ASAP1: variants seen among roughly 807,000 people sequenced by gnomAD.
ASAP1 encodes the protein ArfGAP with SH3 domain, ankyrin repeat and PH domain 1, also known as arf-GAP with SH3 domain, ANK repeat and PH domain-containing protein 1.
A neutral mutation model predicts 145.2 loss-of-function variants in ASAP1; 43 were observed. That is an observed-to-expected ratio of 0.30 (90% CI 0.23 to 0.38). The LOEUF is 0.38. Among genes scored for constraint, ASAP1 ranks in the 10% least tolerant of loss-of-function variants. ASAP1 has a pLI of 1.00. For synonymous variants in ASAP1, 546 were observed against 515.5 expected, an observed-to-expected ratio of 1.06 and a Z score of -0.80; for missense variants, 1,018 against 1,355.3, an observed-to-expected ratio of 0.75 and a Z score of 3.91.
At chr8:130,109,563 T>A (rs2097543377) in intron 24 of ASAP1, among the ~76,000 whole-genome samples, 1 of 152,142 alleles carries the variant, frequency 6.6e-6, no homozygotes, top group African/African-American at 2.4e-5. Context: ...CTGCTTTATT[T>A]GTCATGGAGA....
intron 3 of ASAP1, among the ~76,000 whole-genome samples, chr8:130,245,661 G>A (rs1818803973): frequency 1.3e-5 from 2 of 152,188 alleles, no homozygotes; most frequent in Admixed American, 1.3e-4. Flanking sequence ...TGTTAGGTGT[G>A]TATACGTTTT....
At chr8:130,094,393 A>G (rs993951784) in intron 24 of ASAP1, among the ~76,000 whole-genome samples, 5 of 152,052 alleles carry the variant, frequency 3.3e-5, no homozygotes, top group African/African-American at 1.2e-4. Flanking sequence ...AAAAATTTTT[A>G]AATTTTTAGT....
intron 1 of ASAP1, among the ~76,000 whole-genome samples, chr8:130,433,298 C>T (rs1404060674): frequency 6.6e-6 from 1 of 152,178 alleles, no homozygotes; most frequent in Admixed American, 6.5e-5. Flanking sequence ...CAAAAATAGC[C>T]AGCACATTCC....
chr8:130,317,793 C>A (rs961381403), intron 3 of ASAP1, among the ~76,000 whole-genome samples: 3 of 152,140 alleles, frequency 2.0e-5, no homozygotes, highest in African/African-American at 4.8e-5. Context: ...TCCTTTGTGG[C>A]TGAAGTGATG....
intron 11 of ASAP1, 64 bp from the exon 12 acceptor site, chr8:130,160,028 T>G: frequency 7.1e-7 from 1 of 1,407,998 alleles, no homozygotes; most frequent in South Asian, 1.2e-5. Context: ...TTGATTCTAT[T>G]CTGCCATTGA....
intron 25 of ASAP1, among the ~76,000 whole-genome samples, chr8:130,081,633 T>C (rs556818921): frequency 6.6e-5 from 10 of 152,232 alleles, no homozygotes; most frequent in Admixed American, 3.9e-4. Context: ...ATCTGCTCAA[T>C]AGCACCACCG....
chr8:130,409,262 A>C (rs1318698896), intron 1 of ASAP1, among the ~76,000 whole-genome samples: 4 of 60,596 alleles, frequency 6.6e-5, no homozygotes, highest in African/African-American at 3.5e-4. Flanking sequence ...ACGGTGTCTC[A>C]AAAAAAAAAA....
chr8:130,237,841 C>T (rs1336072482), intron 3 of ASAP1, among the ~76,000 whole-genome samples: 9 of 152,098 alleles, frequency 5.9e-5, no homozygotes, highest in Non-Finnish European at 1.3e-4. Flanking sequence ...ACTGGACTAA[C>T]TTGTTAAAAC....
intron 3 of ASAP1, among the ~76,000 whole-genome samples, chr8:130,279,045 G>T (rs575413452): frequency 1.3e-5 from 2 of 152,240 alleles, no homozygotes; most frequent in African/African-American, 2.4e-5. Context: ...CCCTAATAAG[G>T]TATCGAAAGC....
At chr8:130,240,447 T>C (rs1245322589) in intron 3 of ASAP1, among the ~76,000 whole-genome samples, 3 of 152,118 alleles carry the variant, frequency 2.0e-5, no homozygotes, top group Non-Finnish European at 4.4e-5. Context: ...CAAGTCTAAG[T>C]GTGCTACAAA....
intron 13 of ASAP1, among the ~76,000 whole-genome samples, chr8:130,150,699 G>A (rs925736574): frequency 1.3e-5 from 2 of 151,952 alleles, no homozygotes; most frequent in African/African-American, 2.4e-5. Flanking sequence ...GCAACACAGC[G>A]AAACCCCTAC....
intron 17 of ASAP1, 145 bp downstream of exon 17, chr8:130,125,811 A>T: frequency 1.4e-6 from 1 of 734,316 alleles, no homozygotes; most frequent in Non-Finnish European, 2.0e-6. Context: ...CACAAAAGTT[A>T]CATTTTAAAC....
chr8:130,179,530 T>C (rs147225620), intron 8 of ASAP1, among the ~76,000 whole-genome samples, 181 bp from the exon 9 acceptor site: 8 of 152,084 alleles, frequency 5.3e-5, no homozygotes, highest in African/African-American at 9.6e-5. Context: ...TTGACTAGAG[T>C]GTTAGCATTT....
rs963173107 is a variant in ASAP1, at chr8:130,401,970, C to A, written c.-27G>T. Reference sequence around the variant, plus strand: ...TCTCAGCCGTCACATCAGAAAACGACCTGGATAGGGGGCAGGACAAAAAGG... The same window carrying A: ...TCTCAGCCGTCACATCAGAAAACGAACTGGATAGGGGGCAGGACAAAAAGG... On this transcript the variant is annotated splice_region_variant and 5_prime_UTR_variant, in exon 2 of 30. Transcript: ENST00000518721. 6.2e-7 allele frequency: 1 copy of A among 1,608,940 alleles called. No individual in the cohort carries two copies. Among genetic ancestry groups the A allele is most frequent in the Non-Finnish European group, 8.5e-7 (1 of 1,177,014 alleles).
At chr8:130,072,912 C>T (rs1026603478) in intron 27 of ASAP1, among the ~76,000 whole-genome samples, 5 of 149,276 alleles carry the variant, frequency 3.3e-5, no homozygotes, top group African/African-American at 7.4e-5. Flanking sequence ...GAACTGAATT[C>T]GAGGACACCC....
intron 28 of ASAP1, among the ~76,000 whole-genome samples, chr8:130,059,628 CT>C (rs1267919569): frequency 6.6e-6 from 1 of 152,182 alleles, no homozygotes; most frequent in African/African-American, 2.4e-5. Context: ...GCAGGTAGAG[CT>C]GCCATGTGCA....
intron 6 of ASAP1, 139 bp from the exon 7 acceptor site, chr8:130,187,424 T>A (rs1215956496): frequency 1.5e-6 from 1 of 664,318 alleles, no homozygotes; most frequent in Non-Finnish European, 2.6e-6. Context: ...TACACCATTT[T>A]TTTTTTTTTT....
intron 5 of ASAP1, among the ~76,000 whole-genome samples, chr8:130,208,074 C>T (rs1030033636): frequency 6.6e-6 from 1 of 152,148 alleles, no homozygotes; most frequent in Non-Finnish European, 1.5e-5. Flanking sequence ...ATAGGTTATA[C>T]TTTTATTTAA....
At position 130,133,378 on chromosome 8, in the gene ASAP1, C is replaced by T. The variant is rs149434197; in HGVS notation, c.1217+918G>A. Among the ~76,000 whole-genome samples, 1,233 of 151,832 alleles carry T rather than the reference C, an allele frequency of 8.1e-3. 8 individuals carry two copies. Among genetic ancestry groups the T allele is most frequent in the Non-Finnish European group, 0.013 (908 of 67,930 alleles). ...GAGTGCAAAACTCCAACCCAGGGGC[C>T]GGGCGCGGTGGCTCACGCCTGTAAT... is the stretch of plus-strand genomic sequence containing the variant. On this transcript the variant is annotated intron_variant, in intron 15 of 29. Coordinates refer to ENST00000518721, the MANE Select transcript of ASAP1 (RefSeq NM_018482.4).
Sources: gnomAD v4.1 joint callset for allele counts (sites outside exome capture counted in the v4.1 genomes callset) on GRCh38, gnomAD v4.1.1 for gene constraint, MANE v1.5 for transcripts, NCBI Gene and HGNC (gene_info 2026-07-23, HGNC 2026-07-21) for gene names.